The following NEO1 variants were observed in gnomAD, a reference collection of about 807,000 sequenced individuals.
NEO1 encodes neogenin.
NEO1 carries 63 observed loss-of-function variants against 159.7 expected under a neutral mutation model. The ratio of observed to expected loss-of-function variants is 0.39; its 90% CI spans 0.32 to 0.49. The LOEUF is 0.49. Among genes scored for constraint, NEO1 ranks in the 20% least tolerant of loss-of-function variants. The probability of loss-of-function intolerance (pLI) is 0.85; values close to 1 mark genes in which losing one functional copy is unlikely to be tolerated. For missense variants in NEO1, 1,615 were observed against 1,831.0 expected (o/e 0.88, Z 2.15); for synonymous variants, 633 against 662.0 (o/e 0.96, Z 0.67).
intron 14 of NEO1, among the ~76,000 whole-genome samples, chr15:73,259,494 TGGGACCAC>T (rs2040522780): frequency 6.6e-6 from 1 of 151,740 alleles, no homozygotes; most frequent in East Asian, 1.9e-4. Flanking sequence ...CCTGAGCAGC[TGGGACCAC>T]GGGTGTGTGC....
At position 73,107,995 on chromosome 15, in the gene NEO1, A is replaced by C. The variant is rs563164895; in HGVS notation, c.131-8545A>C. 5.8e-4 allele frequency among the ~76,000 whole-genome samples: 89 copies of C among 152,318 alleles called. 1 individual carries two copies. The highest frequency in any genetic ancestry group is 1.1e-3 in the Non-Finnish European group (77 of 68,032). ...CCAGGAGTTTGAGACCAGCCTGGGC[A>C]ACATAGTGAGGCCCGGTCTGTACCA... On this transcript the variant is annotated intron_variant, in intron 1 of 28. Transcript: ENST00000261908.
chr15:73,248,628 C>T (rs1307324537), intron 9 of NEO1, among the ~76,000 whole-genome samples: 1 of 152,188 alleles, frequency 6.6e-6, no homozygotes, highest in African/African-American at 2.4e-5. Context: ...TTTGTTATAA[C>T]CGTTACCTAA....
At chr15:73,159,660 C>T (rs1211098999) in intron 5 of NEO1, among the ~76,000 whole-genome samples, 1 of 152,132 alleles carries the variant, frequency 6.6e-6, no homozygotes, top group Non-Finnish European at 1.5e-5. Flanking sequence ...GAAGCAGCAG[C>T]AGTCTTGATG....
chr15:73,219,517 G>T (rs1433832829), intron 7 of NEO1, among the ~76,000 whole-genome samples: 333 of 140,494 alleles, frequency 2.4e-3, no homozygotes, highest in African/African-American at 8.3e-3. Context: ...AATGTTGACA[G>T]TGGGGTGTTA....
At chr15:73,283,404 A>G (rs965432084) in intron 23 of NEO1, among the ~76,000 whole-genome samples, 2 of 152,238 alleles carry the variant, frequency 1.3e-5, no homozygotes, top group African/African-American at 4.8e-5. Context: ...AGACACCATC[A>G]TCCTTGGGCC....
At chr15:73,184,757 G>A (rs1240915325) in intron 7 of NEO1, among the ~76,000 whole-genome samples, 11 of 151,928 alleles carry the variant, frequency 7.2e-5, no homozygotes, top group African/African-American at 1.2e-4. Flanking sequence ...GCAAAACCCC[G>A]TGTCTACTAA....
At chr15:73,110,090 G>A (rs1252264554) in intron 1 of NEO1, among the ~76,000 whole-genome samples, 1 of 152,108 alleles carries the variant, frequency 6.6e-6, no homozygotes, top group Non-Finnish European at 1.5e-5. Context: ...ATTTTCTAAG[G>A]TAGTTGAGAA....
At chr15:73,207,159 G>A (rs145081160) in intron 7 of NEO1, among the ~76,000 whole-genome samples, 363 of 152,276 alleles carry the variant, frequency 2.4e-3, no homozygotes, top group Admixed American at 4.1e-3. Flanking sequence ...GTTACTATTA[G>A]TAGTGGTAAG....
intron 1 of NEO1, among the ~76,000 whole-genome samples, chr15:73,093,258 G>A (rs2069799546): frequency 6.6e-6 from 1 of 152,182 alleles, no homozygotes; most frequent in African/African-American, 2.4e-5. Context: ...TCACCTGGCT[G>A]AGATTGTGTT....
intron 5 of NEO1, among the ~76,000 whole-genome samples, chr15:73,174,047 C>T (rs550307837): frequency 2.6e-5 from 4 of 151,240 alleles, no homozygotes; most frequent in African/African-American, 9.7e-5. Context: ...TTGCAGTGAG[C>T]CGAGATCACG....
intron 1 of NEO1, among the ~76,000 whole-genome samples, chr15:73,095,903 A>G (rs755715914): frequency 5.3e-5 from 8 of 152,198 alleles, no homozygotes; most frequent in Non-Finnish European, 8.8e-5. Flanking sequence ...GCTACCAGGG[A>G]TAAAACATCA....
At chr15:73,274,795 TC>T (rs370307697) in intron 21 of NEO1, 71 bp downstream of exon 21, 78 of 1,415,384 alleles carry the variant, frequency 5.5e-5, no homozygotes, top group Admixed American at 2.5e-4. Flanking sequence ...GGTTTTTGTT[TC>T]TTTTTTTTTT....
intron 16 of NEO1, among the ~76,000 whole-genome samples, chr15:73,268,864 T>C (rs997911743): frequency 6.6e-6 from 1 of 152,178 alleles, no homozygotes; most frequent in Non-Finnish European, 1.5e-5. Context: ...AGACTTTCCA[T>C]CAAATAAGTA....
At chr15:73,121,633 A>G (rs903292990) in intron 2 of NEO1, among the ~76,000 whole-genome samples, 5 of 152,162 alleles carry the variant, frequency 3.3e-5, no homozygotes, top group Non-Finnish European at 1.5e-5. Context: ...TCATACGTGA[A>G]TCAGTTATTA....
In NEO1 at chr15:73,285,863, C is replaced by A. The variant is rs2041924285; in HGVS notation, c.3411-2450C>A. On this transcript the variant is annotated intron_variant, in intron 23 of 28. Transcript: ENST00000261908. ...ACACTGGTAATCATCGTTTCCTCCT[C>A]CCTCCTAAGTGTACTTCCCCTGTTT... Among the ~76,000 whole-genome samples, 3 of 152,206 alleles carry A rather than the reference C, an allele frequency of 2.0e-5. No homozygotes were observed. The South Asian group carries it at 6.2e-4, about 32-fold the overall frequency.
At chr15:73,051,892 C>G (rs1254917804), upstream of NEO1, 1 of 152,256 alleles carries the variant, frequency 6.6e-6, no homozygotes, top group Non-Finnish European at 1.5e-5. Flanking sequence ...GCTCCAGGCC[C>G]GGACTGTGCA....
At chr15:73,280,944 G>A (rs1007430736) in intron 22 of NEO1, among the ~76,000 whole-genome samples, 34 of 151,932 alleles carry the variant, frequency 2.2e-4, no homozygotes, top group African/African-American at 8.2e-4. Context: ...AGTGGCTCAT[G>A]CCTGTAATCC....
intron 7 of NEO1, among the ~76,000 whole-genome samples, chr15:73,193,445 T>C (rs2036349344): frequency 6.6e-6 from 1 of 151,898 alleles, no homozygotes; most frequent in Non-Finnish European, 1.5e-5. Context: ...TGTATCACTT[T>C]AGCAAGTTTA....
intron 16 of NEO1, among the ~76,000 whole-genome samples, chr15:73,269,014 G>C (rs1238830102): frequency 6.6e-6 from 1 of 152,288 alleles, no homozygotes; most frequent in East Asian, 1.9e-4. Flanking sequence ...AGATAGTCCA[G>C]CATGGTGTCA....
Sources: gnomAD v4.1 joint callset for allele counts (sites outside exome capture counted in the v4.1 genomes callset) on GRCh38, gnomAD v4.1.1 for gene constraint, MANE v1.5 for transcripts, NCBI Gene and HGNC (gene_info 2026-07-23, HGNC 2026-07-21) for gene names.